HTR1F: variants seen among roughly 807,000 people sequenced by gnomAD.
HTR1F encodes 5-hydroxytryptamine receptor 1F, also known as 5-hydroxytryptamine (serotonin) receptor 1F, G protein-coupled.
Under a neutral mutation model 24.0 loss-of-function variants are expected in HTR1F, and 17 were observed. The ratio of observed to expected loss-of-function variants is 0.71; its 90% CI spans 0.48 to 1.06. The LOEUF (loss-of-function observed/expected upper bound fraction) is 1.06. Ranked by LOEUF, HTR1F falls within the 50% of genes least tolerant of loss-of-function variation. The probability of loss-of-function intolerance (pLI) is 0.00; values close to 1 mark genes in which losing one functional copy is unlikely to be tolerated. For missense variants in HTR1F, 391 were observed against 427.8 expected (o/e 0.91, Z 0.76); for synonymous variants, 186 against 156.8 (o/e 1.19, Z -1.39).
At chr3:87,800,039 A>G (rs755469618) in intron 1 of HTR1F, among the ~76,000 whole-genome samples, 1 of 152,166 alleles carries the variant, frequency 6.6e-6, no homozygotes, top group Non-Finnish European at 1.5e-5. Flanking sequence ...CTGATCATTC[A>G]TTACTTACTT....
intron 2 of HTR1F, among the ~76,000 whole-genome samples, chr3:87,945,121 T>A (rs2107449059): frequency 6.6e-6 from 1 of 151,978 alleles, no homozygotes; most frequent in African/African-American, 2.4e-5. Flanking sequence ...CATCTCTCTC[T>A]CTCTCTCTCC....
intron 1 of HTR1F, among the ~76,000 whole-genome samples, chr3:87,805,094 T>A (rs1255317590): frequency 2.0e-5 from 3 of 152,102 alleles, no homozygotes; most frequent in Non-Finnish European, 4.4e-5. Flanking sequence ...TGTTTCTGTT[T>A]AAAGTGATGA....
chr3:87,852,968 G>GT (rs35802056), intron 2 of HTR1F, among the ~76,000 whole-genome samples: 32,044 of 139,682 alleles, frequency 0.23, 5,507 homozygotes, highest in African/African-American at 0.49. Flanking sequence ...TGTAGTGGCT[G>GT]TTTTTTTTTT....
intron 2 of HTR1F, among the ~76,000 whole-genome samples, chr3:87,830,392 G>A (rs568168713): frequency 1.3e-5 from 2 of 152,242 alleles, no homozygotes; most frequent in East Asian, 3.9e-4. Context: ...AGTAAATGAA[G>A]TAGTGGTAAG....
intron 1 of HTR1F, among the ~76,000 whole-genome samples, chr3:87,813,066 C>A (rs1340142945): frequency 1.3e-5 from 2 of 152,198 alleles, no homozygotes; most frequent in African/African-American, 2.4e-5. Context: ...TCAGAGCCCC[C>A]ACACAGAGTC....
intron 2 of HTR1F, among the ~76,000 whole-genome samples, chr3:87,848,420 C>G (rs537332392): frequency 6.6e-6 from 1 of 151,534 alleles, no homozygotes; most frequent in African/African-American, 2.4e-5. Flanking sequence ...ATATTCCATG[C>G]GGAACAAGTA....
chr3:87,873,185 C>G (rs1705598385), intron 2 of HTR1F, among the ~76,000 whole-genome samples: 1 of 150,680 alleles, frequency 6.6e-6, no homozygotes, highest in Non-Finnish European at 1.5e-5. Flanking sequence ...CTTATGAGGC[C>G]AAAAAGTGCC....
intron 2 of HTR1F, among the ~76,000 whole-genome samples, chr3:87,878,088 T>C (rs1705710481): frequency 6.6e-6 from 1 of 152,186 alleles, no homozygotes; most frequent in Admixed American, 6.5e-5. Context: ...GGATTAAGTT[T>C]AAATAGATTG....
chr3:87,983,254 C>A (rs1705591305), intron 2 of HTR1F, among the ~76,000 whole-genome samples: 1 of 152,030 alleles, frequency 6.6e-6, no homozygotes, highest in South Asian at 2.1e-4. Context: ...CCAGATCCAG[C>A]AGGCAGTGAT....
At chr3:87,911,185 G>T (rs1419070348) in intron 2 of HTR1F, among the ~76,000 whole-genome samples, 5 of 151,898 alleles carry the variant, frequency 3.3e-5, no homozygotes, top group African/African-American at 1.2e-4. Flanking sequence ...CTAGGAGTTT[G>T]TTTTCTGCAA....
intron 2 of HTR1F, among the ~76,000 whole-genome samples, chr3:87,889,380 C>CAAT (rs1175829588): frequency 2.6e-5 from 4 of 152,142 alleles, no homozygotes; most frequent in African/African-American, 4.8e-5. Flanking sequence ...TTCATCTTAT[C>CAAT]ACCTGCCATT....
At chr3:87,934,912 C>G (rs957697879) in intron 2 of HTR1F, among the ~76,000 whole-genome samples, 2 of 152,168 alleles carry the variant, frequency 1.3e-5, no homozygotes, top group Non-Finnish European at 2.9e-5. Flanking sequence ...GTCACCCAAG[C>G]TAGAGTGCAG....
intron 2 of HTR1F, among the ~76,000 whole-genome samples, chr3:87,878,701 T>A (rs1035173018): frequency 2.6e-4 from 39 of 151,948 alleles, no homozygotes; most frequent in African/African-American, 8.5e-4. Flanking sequence ...ACACAGATTT[T>A]TTTTTGTTGA....
chr3:87,904,473 C>A (rs555150111), intron 2 of HTR1F, among the ~76,000 whole-genome samples: 1 of 151,906 alleles, frequency 6.6e-6, no homozygotes, highest in African/African-American at 2.4e-5. Context: ...TGAAAACAAC[C>A]GAAGTGGCCA....
At chr3:87,865,351 C>T (rs183838271) in intron 2 of HTR1F, among the ~76,000 whole-genome samples, 1 of 151,970 alleles carries the variant, frequency 6.6e-6, no homozygotes, top group African/African-American at 2.4e-5. Flanking sequence ...GCACAGATAA[C>T]AAGTGTACCA....
At chr3:87,919,558 G>A (rs1703966648) in intron 2 of HTR1F, among the ~76,000 whole-genome samples, 1 of 151,834 alleles carries the variant, frequency 6.6e-6, no homozygotes, top group Non-Finnish European at 1.5e-5. Context: ...AATGGGCTAA[G>A]GACATGAATA....
intron 2 of HTR1F, among the ~76,000 whole-genome samples, chr3:87,939,320 T>C (rs752626514): frequency 1.4e-4 from 22 of 152,244 alleles, no homozygotes; most frequent in Non-Finnish European, 3.1e-4. Flanking sequence ...TCAGGGATAT[T>C]GGCCTGAAAT....
intron 2 of HTR1F, among the ~76,000 whole-genome samples, chr3:87,865,177 G>A (rs1055190307): frequency 5.3e-5 from 8 of 151,914 alleles, no homozygotes; most frequent in African/African-American, 7.3e-5. Flanking sequence ...GCTTCAATAC[G>A]TCAAATTCCA....
At chr3:87,871,760 T>C (rs1290886505) in intron 2 of HTR1F, among the ~76,000 whole-genome samples, 1 of 152,136 alleles carries the variant, frequency 6.6e-6, no homozygotes, top group Non-Finnish European at 1.5e-5. Context: ...CACCCAAATA[T>C]ATGAAGCAAA....
Sources: gnomAD v4.1 joint callset for allele counts (sites outside exome capture counted in the v4.1 genomes callset) on GRCh38, gnomAD v4.1.1 for gene constraint, MANE v1.5 for transcripts, NCBI Gene and HGNC (gene_info 2026-07-23, HGNC 2026-07-21) for gene names.